TBCK: variants seen among roughly 807,000 people sequenced by gnomAD.
TBCK encodes TBC domain-containing protein kinase-like protein.
A neutral mutation model predicts 113.4 loss-of-function variants in TBCK; 99 were observed. That is an observed-to-expected ratio of 0.87 (90% CI 0.74 to 1.03). The LOEUF is 1.03. TBCK is among the 50% of genes least tolerant of loss of function. The probability of loss-of-function intolerance (pLI) is 0.00; values close to 1 mark genes in which losing one functional copy is unlikely to be tolerated. For missense variants in TBCK, 1,045 were observed against 1,061.3 expected (o/e 0.98, Z 0.21); for synonymous variants, 369 against 370.8 (o/e 1.00, Z 0.05).
chr4:106,065,393 CAT>C (rs1441824183), intron 25 of TBCK, among the ~76,000 whole-genome samples: 3 of 152,042 alleles, frequency 2.0e-5, no homozygotes, highest in Non-Finnish European at 4.4e-5. Flanking sequence ...TAATATCTCA[CAT>C]GACTTTTTAA....
chr4:106,281,082 T>A (rs1764542091), intron 3 of TBCK, among the ~76,000 whole-genome samples: 3 of 152,110 alleles, frequency 2.0e-5, no homozygotes, highest in Non-Finnish European at 4.4e-5. Context: ...CATTTTTGTA[T>A]CCTCTTTATT....
At chr4:106,227,693 G>C (rs1218113344) in intron 19 of TBCK, among the ~76,000 whole-genome samples, 1 of 151,874 alleles carries the variant, frequency 6.6e-6, no homozygotes, top group Admixed American at 6.6e-5. Flanking sequence ...ATTATATATA[G>C]TTAAAAACAA....
intron 23 of TBCK, among the ~76,000 whole-genome samples, chr4:106,118,822 T>C (rs973697605): frequency 2.6e-5 from 4 of 152,172 alleles, no homozygotes; most frequent in Non-Finnish European, 4.4e-5. Flanking sequence ...ATGTATCATA[T>C]GGGAGGAGTT....
At chr4:106,242,650 C>A in intron 11 of TBCK, 81 bp from the exon 12 acceptor site, 1 of 837,584 alleles carries the variant, frequency 1.2e-6, no homozygotes, top group South Asian at 1.9e-5. Context: ...TATTCTAAGT[C>A]ATCAATCCCT....
intron 12 of TBCK, among the ~76,000 whole-genome samples, chr4:106,239,068 C>G (rs1336752881): frequency 6.6e-6 from 1 of 152,028 alleles, no homozygotes. Context: ...AGCCAGAGTA[C>G]TCTGTTTTCC....
chr4:106,286,750 C>A (rs537451394), intron 3 of TBCK, among the ~76,000 whole-genome samples: 1 of 152,062 alleles, frequency 6.6e-6, no homozygotes, highest in South Asian at 2.1e-4. Flanking sequence ...TCGCTTGAGC[C>A]CAGGAGGTCA....
chr4:106,314,719 G>T (rs541532606), intron 1 of TBCK, among the ~76,000 whole-genome samples: 1 of 142,596 alleles, frequency 7.0e-6, no homozygotes, highest in African/African-American at 2.6e-5. Flanking sequence ...TCCACCTCCC[G>T]GGTTCAAGCG....
Position 106,308,778 on chromosome 4 carries a change from C to T in TBCK, c.183G>A (p.Arg61=), listed in dbSNP as rs977190891. ...PRLCQYVDIS[R]GKHERLVVVA... is the part of the protein sequence containing the mutation. ...AAGAAAATAACTTACCATGCTTTCC[C>T]CTAGAAATATCCACATACTGGCAGA... The change falls in exon 2 of 26, where the codon AGG becomes AGA. Residue 61 remains arginine, a synonymous_variant. Transcript: ENST00000394708. The T allele has an allele frequency of 1.1e-5, 17 of 1,610,886 alleles. No individual in the cohort carries two copies. In the African/African-American group the frequency reaches 1.9e-4, roughly 18 times the overall value.
intron 24 of TBCK, 118 bp from the exon 25 acceptor site, chr4:106,095,759 A>G (rs2149519206): frequency 1.3e-6 from 1 of 799,360 alleles, no homozygotes; most frequent in East Asian, 3.0e-5. Context: ...AGCTTATGTG[A>G]GTATTTTATC....
intron 22 of TBCK, among the ~76,000 whole-genome samples, chr4:106,174,112 T>A (rs1751345968): frequency 6.6e-6 from 1 of 152,118 alleles, no homozygotes; most frequent in Non-Finnish European, 1.5e-5. Context: ...AGCCTGCTCT[T>A]CTCTCACTTT....
intron 21 of TBCK, 55 bp downstream of exon 21, chr4:106,194,663 C>G (rs921405197): frequency 2.0e-5 from 27 of 1,383,430 alleles, no homozygotes; most frequent in Non-Finnish European, 2.5e-5. Context: ...GGGGAGGCAT[C>G]GGGCTGTCCT....
chr4:106,311,846 T>C (rs1404948033), intron 1 of TBCK, among the ~76,000 whole-genome samples: 1 of 152,124 alleles, frequency 6.6e-6, no homozygotes, highest in East Asian at 1.9e-4. Context: ...AAGTCCTTTT[T>C]ACAAATGGTG....
At chr4:106,254,716 T>A (rs149490401) in intron 5 of TBCK, among the ~76,000 whole-genome samples, 1 of 152,098 alleles carries the variant, frequency 6.6e-6, no homozygotes, top group Non-Finnish European at 1.5e-5. Flanking sequence ...AAATAAGCAA[T>A]TGAGCCCTGT....
intron 23 of TBCK, among the ~76,000 whole-genome samples, chr4:106,128,878 T>G (rs1234462455): frequency 6.6e-6 from 1 of 152,134 alleles, no homozygotes; most frequent in Non-Finnish European, 1.5e-5. Context: ...GTTAACATCG[T>G]ATGATATTGC....
chr4:106,099,168 A>T (rs1235346238), intron 24 of TBCK, among the ~76,000 whole-genome samples: 3 of 152,122 alleles, frequency 2.0e-5, no homozygotes, highest in Non-Finnish European at 4.4e-5. Context: ...TAGGTAAATT[A>T]CATGGTAGTT....
At chr4:106,158,849 A>C (rs185145028) in intron 23 of TBCK, among the ~76,000 whole-genome samples, 2 of 152,284 alleles carry the variant, frequency 1.3e-5, no homozygotes, top group East Asian at 3.9e-4. Flanking sequence ...CAAAAACGGA[A>C]TACTAAAGAC....
intron 25 of TBCK, among the ~76,000 whole-genome samples, chr4:106,058,103 T>C (rs1398246486): frequency 6.6e-6 from 1 of 151,804 alleles, no homozygotes; most frequent in Non-Finnish European, 1.5e-5. Context: ...TATTGAGTGT[T>C]TTCTATTTGA....
At chr4:106,215,708 T>G (rs1226555451) in intron 19 of TBCK, among the ~76,000 whole-genome samples, 5 of 151,636 alleles carry the variant, frequency 3.3e-5, no homozygotes, top group Non-Finnish European at 1.5e-5. Context: ...GCACCCAGAT[T>G]CATAAAGCAA....
chr4:106,222,485 G>A (rs765615349), intron 19 of TBCK, among the ~76,000 whole-genome samples: 7 of 151,954 alleles, frequency 4.6e-5, no homozygotes, highest in Non-Finnish European at 7.4e-5. Context: ...TTTCCCTTCC[G>A]AAAAGTTTTT....
Sources: allele counts gnomAD v4.1 joint callset (sites outside exome capture counted in the v4.1 genomes callset), GRCh38; gene constraint gnomAD v4.1.1; transcripts MANE v1.5; gene names NCBI Gene and HGNC (gene_info 2026-07-23, HGNC 2026-07-21).